The following EPM2A variants were observed in gnomAD, a reference collection of about 807,000 sequenced individuals.
EPM2A encodes the protein EPM2A glucan phosphatase, laforin.
EPM2A carries 21 observed loss-of-function variants against 26.5 expected under a neutral mutation model. The observed-to-expected ratio is 0.79, with a 90% CI of 0.56 to 1.14. The LOEUF (loss-of-function observed/expected upper bound fraction) is 1.14, where lower values mean the gene tolerates loss of function less well. Ranked by LOEUF, EPM2A falls within the 50% of genes most tolerant of loss-of-function variation. The pLI, the probability that EPM2A is intolerant of heterozygous loss-of-function variation, is 0.00. For missense variants in EPM2A, 458 were observed against 440.8 expected (o/e 1.04, Z -0.35); for synonymous variants, 217 against 177.6 (o/e 1.22, Z -1.76).
chr6:145,497,287 T>C (rs1389045746), downstream of EPM2A, among the ~76,000 whole-genome samples: 1 of 152,230 alleles, frequency 6.6e-6, no homozygotes, highest in African/African-American at 2.4e-5. Context: ...CTGGCCACTT[T>C]TCCGTAGGGC....
chr6:145,715,505 G>C (rs1369912204), intron 1 of EPM2A, among the ~76,000 whole-genome samples: 1 of 152,182 alleles, frequency 6.6e-6, no homozygotes, highest in Non-Finnish European at 1.5e-5. Context: ...TGTTATTTGA[G>C]GATATGTTGT....
chr6:145,579,035 AG>A (rs1407274480), intron 2 of EPM2A, among the ~76,000 whole-genome samples: 1 of 152,128 alleles, frequency 6.6e-6, no homozygotes, highest in Non-Finnish European at 1.5e-5. Context: ...TAGCATTAGG[AG>A]ATATACCTAA....
chr6:145,419,191 C>A (rs377229463), intron 4 of EPM2A, among the ~76,000 whole-genome samples: 3 of 141,420 alleles, frequency 2.1e-5, no homozygotes, highest in African/African-American at 7.6e-5. Context: ...CCCCCCCCCC[C>A]GCTCCTTTCC....
chr6:145,518,195 C>A (rs1780155222), intron 2 of EPM2A, among the ~76,000 whole-genome samples: 1 of 152,146 alleles, frequency 6.6e-6, no homozygotes, highest in Admixed American at 6.6e-5. Flanking sequence ...ATCATTTTCT[C>A]AATACCCCAG....
At chr6:145,706,174 AGCT>A (rs1463128965) in intron 1 of EPM2A, among the ~76,000 whole-genome samples, 1 of 152,168 alleles carries the variant, frequency 6.6e-6, no homozygotes, top group East Asian at 1.9e-4. Context: ...AATCCATAAG[AGCT>A]GCCTGTATCC....
At chr6:145,635,541 A>C in intron 2 of EPM2A, 55 bp from the exon 3 acceptor site, 1 of 1,559,276 alleles carries the variant, frequency 6.4e-7, no homozygotes, top group South Asian at 1.1e-5. Context: ...TTTGAGGTTT[A>C]AGGAGCTGCA....
At chr6:145,561,283 G>A (rs1296179876) in intron 2 of EPM2A, among the ~76,000 whole-genome samples, 2 of 151,784 alleles carry the variant, frequency 1.3e-5, no homozygotes, top group African/African-American at 4.8e-5. Flanking sequence ...TAGAGCCTAG[G>A]TATGTAGTGG....
intron 2 of EPM2A, chr6:145,639,423 C>T (rs746285085): frequency 6.6e-5 from 10 of 152,134 alleles, no homozygotes; most frequent in Admixed American, 5.9e-4. Context: ...TATAGAGAGG[C>T]TTGGGAGTTA....
intron 1 of EPM2A, among the ~76,000 whole-genome samples, chr6:145,725,984 G>A (rs1776186428): frequency 6.6e-6 from 1 of 151,890 alleles, no homozygotes; most frequent in African/African-American, 2.4e-5. Context: ...ATCCCAGAAG[G>A]AAGAGGCACA....
intron 2 of EPM2A, among the ~76,000 whole-genome samples, chr6:145,564,339 A>T (rs187567961): frequency 6.6e-6 from 1 of 152,342 alleles, no homozygotes; most frequent in African/African-American, 2.4e-5. Flanking sequence ...GAAAAATTGC[A>T]GACAAAATAA....
intron 2 of EPM2A, among the ~76,000 whole-genome samples, chr6:145,602,976 G>C (rs139831789): frequency 2.5e-3 from 375 of 152,268 alleles, no homozygotes; most frequent in African/African-American, 8.4e-3. Context: ...CTGTTCATGA[G>C]ATCAATTTTG....
chr6:145,713,607 G>GA (rs1775458234), intron 1 of EPM2A, among the ~76,000 whole-genome samples: 1 of 152,142 alleles, frequency 6.6e-6, no homozygotes, highest in Non-Finnish European at 1.5e-5. Flanking sequence ...TGGAAAAACT[G>GA]AAACTCATAC....
chr6:145,549,997 C>T (rs1780632786), intron 2 of EPM2A, among the ~76,000 whole-genome samples: 1 of 151,960 alleles, frequency 6.6e-6, no homozygotes, highest in Non-Finnish European at 1.5e-5. Context: ...ATGTGAATCC[C>T]CTGTATGTTG....
intron 4 of EPM2A, among the ~76,000 whole-genome samples, chr6:145,398,639 C>T (rs1778439550): frequency 6.6e-6 from 1 of 152,032 alleles, no homozygotes; most frequent in Non-Finnish European, 1.5e-5. Flanking sequence ...GCGGGCAGAT[C>T]ACTTGAAGTC....
chr6:145,428,075 G>GTTTTTTTTTTTTTTTTTTTTGTT (rs11343322), intron 4 of EPM2A, among the ~76,000 whole-genome samples: 1 of 97,524 alleles, frequency 1.0e-5, no homozygotes. Context: ...TGTGTTGATA[G>GTTTTTTTTTTTTTTTTTTTTGTT]TTTTTTTTTT....
At position 145,635,489 on chromosome 6, in the gene EPM2A, A is replaced by G; in HGVS notation, c.477-3T>C. On this transcript the variant is annotated splice_polypyrimidine_tract_variant and splice_region_variant and intron_variant, in intron 2 of 3. Coordinates refer to ENST00000367519, the MANE Select transcript of EPM2A (RefSeq NM_005670.4). ...CCAGCCAGATATTTGGTAGAATTCT[A>G]ATGAGAACATATGGAGACAACTATC... 5.6e-6 allele frequency: 9 copies of G among 1,614,036 alleles called. No individual in the cohort carries two copies. The highest frequency in any genetic ancestry group is 7.6e-6 in the Non-Finnish European group (9 of 1,179,856).
intron 4 of EPM2A, among the ~76,000 whole-genome samples, chr6:145,435,060 C>T (rs1490719390): frequency 6.6e-6 from 1 of 152,188 alleles, no homozygotes; most frequent in African/African-American, 2.4e-5. Context: ...CCTGAGGCCT[C>T]CTCAGAAGCC....
At chr6:145,443,644 G>GT (rs1307169335) in intron 4 of EPM2A, among the ~76,000 whole-genome samples, 3 of 152,076 alleles carry the variant, frequency 2.0e-5, no homozygotes, top group South Asian at 2.1e-4. Context: ...AGACTATGGG[G>GT]TTTTTTTAGA....
chr6:145,523,714 A>C (rs1308705706), intron 2 of EPM2A, among the ~76,000 whole-genome samples: 3 of 152,182 alleles, frequency 2.0e-5, no homozygotes, highest in African/African-American at 7.2e-5. Context: ...GTAATATCCT[A>C]CAATGACCTC....
Sources: allele counts gnomAD v4.1 joint callset (sites outside exome capture counted in the v4.1 genomes callset), GRCh38; gene constraint gnomAD v4.1.1; transcripts MANE v1.5; gene names NCBI Gene and HGNC (gene_info 2026-07-23, HGNC 2026-07-21).